The following CMIP variants were observed in gnomAD, a reference collection of about 807,000 sequenced individuals.
The protein encoded by CMIP is c-Maf inducing protein.
In CMIP, 13 loss-of-function variants were observed where a neutral mutation model predicts 97.3. The ratio of observed to expected loss-of-function variants is 0.13; its 90% CI spans 0.09 to 0.21. CMIP has a LOEUF of 0.21. Ranked by LOEUF, CMIP falls within the 10% of genes least tolerant of loss-of-function variation. CMIP has a pLI of 1.00. For missense variants in CMIP, 847 were observed against 1,024.9 expected (o/e 0.83, Z 2.37); for synonymous variants, 538 against 436.3 (o/e 1.23, Z -2.91).
chr16:81,520,569 G>GAGAGAGAGAGA (rs2090000959), intron 1 of CMIP: 1 of 106,950 alleles, frequency 9.4e-6, no homozygotes, highest in Non-Finnish European at 1.8e-5. Flanking sequence ...GGAGGAAGGG[G>GAGAGAGAGAGA]GAGAGAGAGA....
chr16:81,600,081 G>A (rs147040969), intron 1 of CMIP, among the ~76,000 whole-genome samples: 2,408 of 151,812 alleles, frequency 0.016, 61 homozygotes, highest in African/African-American at 0.055. Context: ...GAGTTCAAGA[G>A]CATCCTGACC....
intron 1 of CMIP, among the ~76,000 whole-genome samples, chr16:81,590,168 G>A (rs2150918065): frequency 6.6e-6 from 1 of 152,306 alleles, no homozygotes; most frequent in Non-Finnish European, 1.5e-5. Flanking sequence ...CCCTGGGAAT[G>A]ACCACGCCCC....
At chr16:81,654,559 C>G (rs182406583) in intron 4 of CMIP, among the ~76,000 whole-genome samples, 64 of 152,326 alleles carry the variant, frequency 4.2e-4, no homozygotes, top group Admixed American at 3.7e-3. Flanking sequence ...CTGAAGAGAG[C>G]TGACATTTAG....
chr16:81,645,672 A>G (rs2092356625), intron 3 of CMIP: 1 of 1,503,258 alleles, frequency 6.7e-7, no homozygotes, highest in Admixed American at 2.0e-5. Flanking sequence ...GACGGGAAGC[A>G]GGAGGCTCTG....
At chr16:81,640,238 G>A (rs2092287202) in intron 3 of CMIP, among the ~76,000 whole-genome samples, 1 of 151,088 alleles carries the variant, frequency 6.6e-6, no homozygotes, top group Non-Finnish European at 1.5e-5. Context: ...TAGGGTGGAA[G>A]TCAGTGTTTC....
chr16:81,524,122 G>T (rs941245287), intron 1 of CMIP, among the ~76,000 whole-genome samples: 3 of 152,218 alleles, frequency 2.0e-5, no homozygotes, highest in African/African-American at 4.8e-5. Flanking sequence ...TGAGGTGCTA[G>T]GCTTGTCACA....
chr16:81,577,731 C>A (rs1202693439), intron 1 of CMIP, among the ~76,000 whole-genome samples: 1 of 150,416 alleles, frequency 6.6e-6, no homozygotes, highest in Non-Finnish European at 1.5e-5. Flanking sequence ...CCTTCATCAT[C>A]ACCGTCATCC....
intron 1 of CMIP, among the ~76,000 whole-genome samples, chr16:81,574,695 C>T (rs994057934): frequency 2.0e-5 from 3 of 152,122 alleles, no homozygotes; most frequent in Non-Finnish European, 2.9e-5. Context: ...TTTGATGTCC[C>T]GGATGCTGGG....
intron 1 of CMIP, among the ~76,000 whole-genome samples, chr16:81,513,964 T>A (rs2089861713): frequency 6.6e-6 from 1 of 152,202 alleles, no homozygotes; most frequent in Admixed American, 6.5e-5. Flanking sequence ...AGGAAGGCTT[T>A]GTGTTTTGAC....
intron 1 of CMIP, among the ~76,000 whole-genome samples, chr16:81,549,284 G>C (rs1332624118): frequency 6.6e-6 from 1 of 152,214 alleles, no homozygotes; most frequent in Non-Finnish European, 1.5e-5. Flanking sequence ...GATTAACCTG[G>C]TTGAGCTGGT....
chr16:81,630,067 G>A (rs1416649081), intron 3 of CMIP: 1 of 152,228 alleles, frequency 6.6e-6, no homozygotes. Context: ...TTCCAACCCT[G>A]ATCCACTTCC....
intron 2 of CMIP, among the ~76,000 whole-genome samples, chr16:81,618,166 T>C (rs1430188069): frequency 1.3e-5 from 2 of 152,188 alleles, no homozygotes; most frequent in East Asian, 3.9e-4. Context: ...TAGTCTCTTA[T>C]GGTTCTGGAG....
At chr16:81,510,542 C>G (rs2089791465) in intron 1 of CMIP, among the ~76,000 whole-genome samples, 1 of 152,112 alleles carries the variant, frequency 6.6e-6, no homozygotes, top group Non-Finnish European at 1.5e-5. Context: ...CACAAAGTCA[C>G]ACAACCAGCC....
At chr16:81,543,966 A>G (rs1412340548) in intron 1 of CMIP, among the ~76,000 whole-genome samples, 2 of 152,248 alleles carry the variant, frequency 1.3e-5, no homozygotes, top group African/African-American at 4.8e-5. Context: ...GGGAGAACAC[A>G]GCTATTTTAA....
chr16:81,696,486 T>A, intron 13 of CMIP, 74 bp from the exon 14 acceptor site: 2 of 1,414,120 alleles, frequency 1.4e-6, no homozygotes, highest in Non-Finnish European at 1.9e-6. Flanking sequence ...TTCCCATTCA[T>A]GTGTGCAGAT....
chr16:81,468,320 C>T (rs573045088), intron 1 of CMIP, among the ~76,000 whole-genome samples: 111 of 152,362 alleles, frequency 7.3e-4, no homozygotes, highest in East Asian at 2.9e-3. Context: ...GTGATGTGTC[C>T]GTTTTCTGGA....
chr16:81,660,816 G>T, intron 5 of CMIP, 68 bp from the exon 6 acceptor site: 1 of 1,548,162 alleles, frequency 6.5e-7, no homozygotes, highest in South Asian at 1.1e-5. Context: ...ATATGGCCTG[G>T]AGATTGTTCG....
intron 1 of CMIP, among the ~76,000 whole-genome samples, chr16:81,603,003 A>T (rs1043993473): frequency 6.6e-6 from 1 of 152,198 alleles, no homozygotes; most frequent in Admixed American, 6.5e-5. Flanking sequence ...TTCCATCCCA[A>T]TCCAGCCCAT....
intron 1 of CMIP, among the ~76,000 whole-genome samples, chr16:81,579,542 G>A (rs1165313308): frequency 3.3e-5 from 5 of 152,190 alleles, no homozygotes; most frequent in Admixed American, 3.3e-4. Flanking sequence ...ACTGGGAAGA[G>A]GGAAAATGTG....
Sources: allele counts gnomAD v4.1 joint callset (sites outside exome capture counted in the v4.1 genomes callset), GRCh38; gene constraint gnomAD v4.1.1; transcripts MANE v1.5; gene names NCBI Gene and HGNC (gene_info 2026-07-23, HGNC 2026-07-21).